Variants in GLI1 observed in about 807,000 individuals in gnomAD.
GLI1 encodes transcription activator GLI1.
Under a neutral mutation model 87.8 loss-of-function variants are expected in GLI1, and 51 were observed. That is an observed-to-expected ratio of 0.58 (90% CI 0.46 to 0.73). The LOEUF (loss-of-function observed/expected upper bound fraction) is 0.73, where lower values mean the gene tolerates loss of function less well. Among genes scored for constraint, GLI1 ranks in the 30% least tolerant of loss-of-function variants. The pLI is 0.00. For missense variants in GLI1, 1,292 were observed against 1,437.2 expected, an observed-to-expected ratio of 0.90 and a Z score of 1.63; for synonymous variants, 528 against 558.2, an observed-to-expected ratio of 0.95 and a Z score of 0.76.
At chr12:57,464,620 C>A in intron 3 of GLI1, 53 bp from the exon 4 acceptor site, 1 of 1,316,666 alleles carries the variant, frequency 7.6e-7, no homozygotes, top group African/African-American at 1.4e-5. Context: ...AGGTTAGGTG[C>A]ATGGAGAGAC....
Position 57,469,494 on chromosome 12 carries a change from G to A in GLI1, c.1372G>A (p.Ala458Thr). The part of the protein sequence containing the change: ...CSSDHSPAGS[A>T]ANTDSGVEMT... ...CAGTGACCACTCCCCGGCAGGGAGT[G>A]CAGCCAATACAGACAGTGGTGTGGA... Residue 458 changes from alanine to threonine, a missense_variant, in exon 11 of 12, where the codon GCA becomes ACA. Physicochemically the swap from Ala to Thr is moderately conservative, Grantham distance 58 (BLOSUM62 0). Transcript: ENST00000228682. 6.2e-7 allele frequency: 1 copy of A among 1,614,032 alleles called. No individual in the cohort carries two copies. The highest frequency in any genetic ancestry group is 8.5e-7 in the Non-Finnish European group (1 of 1,179,938).
intron 1 of GLI1, among the ~76,000 whole-genome samples, chr12:57,462,332 G>C (rs974398634): frequency 3.3e-5 from 5 of 152,110 alleles, no homozygotes; most frequent in African/African-American, 1.2e-4. Flanking sequence ...TGCCGGGCCG[G>C]GCTGGGTCGC....
Position 57,471,206 on chromosome 12 carries a change from G to A in GLI1, c.2466G>A (p.Val822=), listed in dbSNP as rs1019421164. Residue 822 remains valine, a synonymous_variant, in exon 12 of 12, where the codon GTG becomes GTA. Coordinates refer to ENST00000228682, the MANE Select transcript of GLI1 (RefSeq NM_005269.3). The surrounding 1 kb of genome is among the most constrained non-coding windows in gnomAD (Gnocchi z 4.9). Reference sequence around the variant, plus strand: ...TCAAGCCAGAACAGGGGTGCCCAGTGGGGTCTGACTCCACAGGACTGGCAC... The same window carrying A: ...TCAAGCCAGAACAGGGGTGCCCAGTAGGGTCTGACTCCACAGGACTGGCAC... ...VQVKPEQGCP[V]GSDSTGLAPC... 12 of 1,600,546 alleles carry A rather than the reference G, an allele frequency of 7.5e-6. No homozygotes were observed. The African/African-American group carries it at 1.1e-4, about 14-fold the overall frequency.
At position 57,471,567 on chromosome 12, in the gene GLI1, G is replaced by C; in HGVS notation, c.2827G>C (p.Ala943Pro). Residue 943 changes from alanine to proline, a missense_variant, in exon 12 of 12, where the codon GCT becomes CCT. Around this residue, in one of 3 missense-constraint regions of GLI1, gnomAD observed 897 missense variants for 1,040.7 expected, o/e 0.86. Transcript: ENST00000228682. This position sits in a 1 kb window ranked among gnomAD's most constrained non-coding sequence, Gnocchi z 4.9. ...GSQVSPSRAK[A>P]PVNTYGPGFG... is the part of the protein sequence containing the mutation. ...CCAGGTTAGCCCAAGCCGTGCTAAA[G>C]CTCCAGTGAACACATATGGACCTGG... 3 of 1,613,822 alleles carry C rather than the reference G, an allele frequency of 1.9e-6. No homozygotes were observed. The highest frequency in any genetic ancestry group is 2.5e-6 in the Non-Finnish European group (3 of 1,179,946).
At chr12:57,462,288 A>T (rs1871190142) in intron 1 of GLI1, among the ~76,000 whole-genome samples, 1 of 149,306 alleles carries the variant, frequency 6.7e-6, no homozygotes, top group Non-Finnish European at 1.5e-5. Flanking sequence ...CCTCGGTTGG[A>T]AAAGGAGGAG....
At chr12:57,464,557 C>A in intron 3 of GLI1, 116 bp from the exon 4 acceptor site, 3 of 658,956 alleles carry the variant, frequency 4.6e-6, no homozygotes, top group Non-Finnish European at 7.8e-6. Context: ...CAGATAGCAT[C>A]AATAGGGCAA....
In GLI1 at chr12:57,469,523, G is replaced by T; in HGVS notation, c.1401G>T (p.Met467Ile). Reference protein sequence around the residue: ...SAANTDSGVEMTGNAGGSTED... With the variant: ...SAANTDSGVEITGNAGGSTED... ...CCAATACAGACAGTGGTGTGGAAAT[G>T]ACTGGCAATGCAGGGGGCAGCACTG... The change falls in exon 11 of 12, where the codon ATG becomes ATT. Residue 467 changes from methionine to isoleucine, a missense_variant. Physicochemically the swap from Met to Ile is conservative, Grantham distance 10. Around this residue, in one of 3 missense-constraint regions of GLI1, gnomAD observed 897 missense variants for 1,040.7 expected, o/e 0.86. Coordinates refer to ENST00000228682, the MANE Select transcript of GLI1 (RefSeq NM_005269.3). The T allele has an allele frequency of 6.2e-7, 1 of 1,614,198 alleles. No homozygotes were observed. Among genetic ancestry groups the T allele is most frequent in the Non-Finnish European group, 8.5e-7 (1 of 1,180,028 alleles).
In GLI1 at chr12:57,471,901, A is replaced by G; in HGVS notation, c.3161A>G (p.Asp1054Gly). The change falls in exon 12 of 12, where the codon GAT (aspartate) becomes GGT (glycine). Residue 1054 changes from aspartate to glycine, a missense_variant. Transcript: ENST00000228682. The surrounding 1 kb of genome is among the most constrained non-coding windows in gnomAD (Gnocchi z 4.9). ...CAGCTGGACTTTGTGGCTATTCTGG[A>G]TGAGCCCCAGGGGCTGAGTCCTCCT... ...NTQLDFVAIL[D>G]EPQGLSPPPS... 3 of 1,610,522 alleles carry G rather than the reference A, an allele frequency of 1.9e-6. No individual in the cohort carries two copies. The highest frequency in any genetic ancestry group is 2.2e-5 in the South Asian group (2 of 90,680).
chr12:57,467,956 G>A (rs539826091), intron 9 of GLI1, 38 bp from the exon 10 acceptor site: 1 of 1,439,174 alleles, frequency 6.9e-7, no homozygotes, highest in Admixed American at 1.7e-5. Flanking sequence ...CTTCCGCTTT[G>A]ATCCGTTTGC....
Position 57,466,430 on chromosome 12 carries a change from T to C in GLI1, c.912+41T>C, listed in dbSNP as rs749739387. ...CCCAAGTCCAGGGTCTCTTCCTAAA[T>C]CAGGGCTCTCCTTCAAGGTAGGGCC... is the stretch of plus-strand genomic sequence containing the variant. On this transcript the variant is annotated intron_variant, in intron 8 of 11. Transcript: ENST00000228682. 2.6e-6 allele frequency: 4 copies of C among 1,544,096 alleles called. No homozygotes were observed. The African/African-American group carries it at 4.1e-5, about 16-fold the overall frequency.
In GLI1 at chr12:57,471,232, C is replaced by A; in HGVS notation, c.2492C>A (p.Pro831His). ...GGGTCTGACTCCACAGGACTGGCAC[C>A]CTGCCTCAATGCCCACCCCAGTGAG... The part of the protein sequence containing the change: ...PVGSDSTGLA[P>H]CLNAHPSEGP... The change falls in exon 12 of 12, where the codon CCC becomes CAC. Residue 831 changes from proline (P) to histidine (H), a missense_variant. Physicochemically the swap from Pro to His is moderately conservative, Grantham distance 77 (BLOSUM62 -2). Around this residue, in one of 3 missense-constraint regions of GLI1, gnomAD observed 897 missense variants for 1,040.7 expected, o/e 0.86. Coordinates refer to ENST00000228682, the MANE Select transcript of GLI1 (RefSeq NM_005269.3). This position sits in a 1 kb window ranked among gnomAD's most constrained non-coding sequence, Gnocchi z 4.9. 6.2e-7 allele frequency: 1 copy of A among 1,604,252 alleles called. No homozygotes were observed. Among genetic ancestry groups the A allele is most frequent in the Non-Finnish European group, 8.5e-7 (1 of 1,175,306 alleles).
intron 5 of GLI1, 23 bp downstream of exon 5, chr12:57,465,278 C>A: frequency 6.3e-7 from 1 of 1,587,158 alleles, no homozygotes; most frequent in Non-Finnish European, 8.6e-7. Flanking sequence ...ATATTGCTAC[C>A]TGATTTCCCT....
intron 3 of GLI1, 65 bp downstream of exon 3, chr12:57,464,156 G>C: frequency 9.8e-7 from 1 of 1,023,742 alleles, no homozygotes; most frequent in Non-Finnish European, 1.6e-6. Flanking sequence ...AAGAGAAAGT[G>C]GGAGGGCAGG....
Position 57,470,877 on chromosome 12 carries a change from A to G in GLI1, c.2137A>G (p.Met713Val). The G allele has an allele frequency of 6.2e-7, 1 of 1,611,698 alleles. No individual in the cohort carries two copies. Among genetic ancestry groups the G allele is most frequent in the East Asian group, 2.2e-5 (1 of 44,872 alleles). Reference sequence around the variant, plus strand: ...GGAAGAGCCAGAAGTTGGGACCTCCATGGTGGGCAGTGGTCTGAACCCCTA... The same window carrying G: ...GGAAGAGCCAGAAGTTGGGACCTCCGTGGTGGGCAGTGGTCTGAACCCCTA... ...LQEEPEVGTSMVGSGLNPYMD... is the reference protein window; with the variant it reads ...LQEEPEVGTSVVGSGLNPYMD... The change falls in exon 12 of 12, where the codon ATG (methionine) becomes GTG (valine). Residue 713 changes from methionine (M) to valine (V), a missense_variant. Coordinates refer to ENST00000228682, the MANE Select transcript of GLI1 (RefSeq NM_005269.3).
At chr12:57,465,720 A>T (rs369214675) in intron 6 of GLI1, 24 bp downstream of exon 6, 7 of 1,613,316 alleles carry the variant, frequency 4.3e-6, no homozygotes, top group South Asian at 1.1e-5. Flanking sequence ...CAGGAGCTTT[A>T]CCTCTGGGAC....
chr12:57,466,078 C>T, intron 7 of GLI1, 153 bp downstream of exon 7: 1 of 1,057,100 alleles, frequency 9.5e-7, no homozygotes, highest in Non-Finnish European at 1.4e-6. Context: ...GTAGCTTTGC[C>T]TTAGGGAGCT....
At position 57,470,799 on chromosome 12, in the gene GLI1, C is replaced by T. The variant is rs555605009; in HGVS notation, c.2059C>T (p.Pro687Ser). The change falls in exon 12 of 12, where the codon CCA becomes TCA. Residue 687 changes from proline (P) to serine (S), a missense_variant. This residue lies in a region of GLI1 where 897 missense variants were observed against 1,040.7 expected (regional missense o/e 0.86). Transcript: ENST00000228682. The part of the protein sequence containing the change: ...DPYLPTSVYS[P>S]QPPSITENAA... ...TTACCTCCCAACCTCTGTCTACTCA[C>T]CACAGCCCCCCAGCATCACTGAGAA... The T allele has an allele frequency of 3.1e-6, 5 of 1,612,032 alleles. No individual in the cohort carries two copies. The South Asian group carries it at 5.5e-5, about 18-fold the overall frequency.
rs1246021821 is a variant in GLI1, at chr12:57,471,534, G to A, written c.2794G>A (p.Gly932Arg). ...EPSYQSPKFLGGSQVSPSRAK... is the reference protein window; with the variant it reads ...EPSYQSPKFLRGSQVSPSRAK... ...TTCCTACCAGAGTCCCAAGTTTCTG[G>A]GGGGTTCCCAGGTTAGCCCAAGCCG... is the stretch of plus-strand genomic sequence containing the variant. Residue 932 changes from glycine (G) to arginine (R), a missense_variant, in exon 12 of 12, where the codon GGG becomes AGG. Gly to Arg is a moderately radical substitution (Grantham distance 125). This residue lies in a region of GLI1 where 897 missense variants were observed against 1,040.7 expected (regional missense o/e 0.86). Transcript: ENST00000228682. The surrounding 1 kb of genome is among the most constrained non-coding windows in gnomAD (Gnocchi z 4.9). 2 of 1,612,906 alleles carry A rather than the reference G, an allele frequency of 1.2e-6. No individual in the cohort carries two copies. The highest frequency in any genetic ancestry group is 1.7e-4 in the Middle Eastern group (1 of 6,048).
chr12:57,464,017 T>C lies in GLI1; in HGVS notation c.119T>C (p.Phe40Ser). ...TTTCTAGGACTGTCTGGCCCGCCCT[T>C]CTGCCACCAAGCTAACCTCATGTCC... ...VGTEGLSGPP[F>S]CHQANLMSGP... The change falls in exon 3 of 12, where the codon TTC becomes TCC. Residue 40 changes from phenylalanine (F) to serine (S), a missense_variant. Transcript: ENST00000228682. The C allele has an allele frequency of 6.2e-7, 1 of 1,613,750 alleles. No homozygotes were observed. The highest frequency in any genetic ancestry group is 2.2e-5 in the East Asian group (1 of 44,876).
Sources: gnomAD v4.1 joint callset for allele counts (sites outside exome capture counted in the v4.1 genomes callset) on GRCh38, gnomAD v4.1.1 for gene constraint, gnomAD v4.1.1 regional missense constraint, Gnocchi (gnomAD v3.1) non-coding constraint, MANE v1.5 for transcripts, NCBI Gene and HGNC (gene_info 2026-07-23, HGNC 2026-07-21) for gene names.